Variants in LARGE1 observed in about 807,000 individuals in gnomAD.
LARGE1 encodes the protein LARGE xylosyl- and glucuronyltransferase 1, also known as xylosyl- and glucuronyltransferase LARGE1.
In LARGE1, 43 loss-of-function variants were observed where a neutral mutation model predicts 87.6. That is an observed-to-expected ratio of 0.49 (90% CI 0.38 to 0.63). LARGE1 has a LOEUF of 0.63. LARGE1 is among the 30% of genes least tolerant of loss of function. LARGE1 has a pLI of 0.00. For missense variants in LARGE1, 802 were observed against 1,000.2 expected (o/e 0.80, Z 2.67); for synonymous variants, 434 against 394.6 (o/e 1.10, Z -1.18).
chr22:33,509,409 G>A (rs2070938222), intron 6 of LARGE1, among the ~76,000 whole-genome samples: 2 of 152,254 alleles, frequency 1.3e-5, no homozygotes, highest in Middle Eastern at 6.8e-3. Context: ...TTGCAAGGAT[G>A]AAATGGTGTC....
At chr22:33,152,311 G>C in the LARGE1 span, among the ~76,000 whole-genome samples, 1 of 152,196 alleles carries the variant, frequency 6.6e-6, no homozygotes, top group African/African-American at 2.4e-5. Flanking sequence ...GCTGGTGCTG[G>C]CTGGTGCTGA....
intron 11 of LARGE1, among the ~76,000 whole-genome samples, chr22:33,253,408 G>A (rs1023906183): frequency 6.6e-6 from 1 of 152,146 alleles, no homozygotes; most frequent in Non-Finnish European, 1.5e-5. Flanking sequence ...AGTATGTTGG[G>A]AGGAAACAGA....
the LARGE1 span, among the ~76,000 whole-genome samples, chr22:33,094,374 C>T: frequency 6.6e-6 from 1 of 152,092 alleles, no homozygotes; most frequent in Non-Finnish European, 1.5e-5. Flanking sequence ...CTCCAATTCC[C>T]TCTGTGACTC....
At chr22:33,400,408 G>A (rs138838711) in intron 7 of LARGE1, among the ~76,000 whole-genome samples, 3 of 152,352 alleles carry the variant, frequency 2.0e-5, no homozygotes, top group Non-Finnish European at 4.4e-5. Flanking sequence ...AGGGATGGGA[G>A]GGTCTGACAC....
chr22:33,459,280 T>C (rs1201387190), intron 6 of LARGE1, among the ~76,000 whole-genome samples: 1 of 152,154 alleles, frequency 6.6e-6, no homozygotes, highest in East Asian at 1.9e-4. Context: ...TAATAAGTTG[T>C]AGAGCTGAGA....
At chr22:33,785,177 A>G (rs1470696014) in intron 1 of LARGE1, among the ~76,000 whole-genome samples, 1 of 149,130 alleles carries the variant, frequency 6.7e-6, no homozygotes, top group African/African-American at 2.5e-5. Flanking sequence ...ATACATACAT[A>G]TGTGTATATA....
chr22:33,565,943 G>A (rs762363023), intron 5 of LARGE1, among the ~76,000 whole-genome samples: 1 of 152,170 alleles, frequency 6.6e-6, no homozygotes, highest in South Asian at 2.1e-4. Flanking sequence ...TGTGGGCAGA[G>A]GCCCCAACCT....
At chr22:33,433,925 C>T (rs2067174894) in intron 6 of LARGE1, among the ~76,000 whole-genome samples, 1 of 152,120 alleles carries the variant, frequency 6.6e-6, no homozygotes, top group South Asian at 2.1e-4. Context: ...TTATTAAGCT[C>T]CTATCTAAAT....
intron 11 of LARGE1, among the ~76,000 whole-genome samples, chr22:33,194,182 T>C (rs73881987): frequency 2.0e-5 from 3 of 152,120 alleles, no homozygotes; most frequent in East Asian, 3.8e-4. Context: ...ATCTATGGTA[T>C]AGCTAAATGA....
At chr22:33,272,105 G>A (rs1928293779), downstream of LARGE1, among the ~76,000 whole-genome samples, 1 of 152,152 alleles carries the variant, frequency 6.6e-6, no homozygotes, top group Non-Finnish European at 1.5e-5. Flanking sequence ...CAGGGGCCAA[G>A]CAAAATTTTA....
intron 6 of LARGE1, among the ~76,000 whole-genome samples, chr22:33,448,292 G>C (rs1032950593): frequency 6.6e-6 from 1 of 152,168 alleles, no homozygotes; most frequent in South Asian, 2.1e-4. Context: ...TGAGGGTAAC[G>C]TGAAAGTAAT....
At chr22:33,882,213 G>A (rs998915775) in intron 1 of LARGE1, among the ~76,000 whole-genome samples, 6 of 151,988 alleles carry the variant, frequency 3.9e-5, no homozygotes, top group African/African-American at 1.4e-4. Flanking sequence ...TGTATTTTTA[G>A]TAGAGACGGG....
intron 2 of LARGE1, among the ~76,000 whole-genome samples, chr22:33,686,262 C>A (rs2149319958): frequency 6.6e-6 from 1 of 152,156 alleles, no homozygotes. Flanking sequence ...TTGTTTCTGT[C>A]TGACCGCCCT....
In LARGE1 at chr22:33,201,364, GAGGA is replaced by G. The variant is rs1240268188; in HGVS notation, c.1731-34536_1731-34533del. On this transcript the variant is annotated intron_variant, in intron 11 of 11. Coordinates refer to the LARGE1 transcript ENST00000608642. ...AAAGAAAGAGAGAGAAAGAGAGAGA[GAGGA>G]AGGAAGGAAGAAAGAAAGGAAAGAA... is the stretch of plus-strand genomic sequence containing the variant. Among the ~76,000 whole-genome samples, 72 of 148,548 alleles carry G rather than the reference GAGGA, an allele frequency of 4.8e-4. 1 individual carries two copies. The highest frequency in any genetic ancestry group is 7.1e-3 in the Middle Eastern group (2 of 282).
intron 1 of LARGE1, among the ~76,000 whole-genome samples, chr22:33,890,120 G>A (rs1184252034): frequency 2.0e-5 from 3 of 152,204 alleles, no homozygotes; most frequent in East Asian, 1.9e-4. Context: ...GGGAACTAGC[G>A]ACCCATGTGC....
chr22:33,813,383 T>C (rs1289120053), intron 1 of LARGE1, among the ~76,000 whole-genome samples: 2 of 152,152 alleles, frequency 1.3e-5, no homozygotes, highest in African/African-American at 4.8e-5. Context: ...TCATCTCCGA[T>C]AGTCAAATGC....
At chr22:33,788,753 T>C (rs1157138404) in intron 1 of LARGE1, among the ~76,000 whole-genome samples, 2 of 152,174 alleles carry the variant, frequency 1.3e-5, no homozygotes, top group East Asian at 3.9e-4. Flanking sequence ...AGAGAGAAGA[T>C]TGAGAGAGAT....
At chr22:33,719,892 C>T (rs1321296119) in intron 2 of LARGE1, among the ~76,000 whole-genome samples, 1 of 152,112 alleles carries the variant, frequency 6.6e-6, no homozygotes, top group African/African-American at 2.4e-5. Flanking sequence ...GTTACAATTG[C>T]CTCCGGTAGT....
intron 3 of LARGE1, among the ~76,000 whole-genome samples, chr22:33,633,329 C>G (rs1450264735): frequency 1.3e-5 from 2 of 152,118 alleles, no homozygotes; most frequent in Non-Finnish European, 2.9e-5. Context: ...GAGGAGAAGG[C>G]ATTTCAGTGA....
Sources: allele counts gnomAD v4.1 joint callset (sites outside exome capture counted in the v4.1 genomes callset), GRCh38; gene constraint gnomAD v4.1.1; transcripts MANE v1.5; gene names NCBI Gene and HGNC (gene_info 2026-07-23, HGNC 2026-07-21).